SLC9A9: variants seen among roughly 807,000 people sequenced by gnomAD.
SLC9A9 encodes the protein solute carrier family 9 member A9, also known as sodium/hydrogen exchanger 9.
In SLC9A9, 62 loss-of-function variants were observed where a neutral mutation model predicts 77.8. The ratio of observed to expected loss-of-function variants is 0.80; its 90% CI spans 0.65 to 0.98. The LOEUF (loss-of-function observed/expected upper bound fraction) is 0.98, where lower values mean the gene tolerates loss of function less well. Among genes scored for constraint, SLC9A9 ranks in the 50% least tolerant of loss-of-function variants. The pLI, the probability that SLC9A9 is intolerant of heterozygous loss-of-function variation, is 0.00. For missense variants in SLC9A9, 775 were observed against 774.9 expected (o/e 1.00, Z 0.00); for synonymous variants, 320 against 283.5 (o/e 1.13, Z -1.29).
At chr3:143,783,797 G>T (rs140781328) in intron 4 of SLC9A9, among the ~76,000 whole-genome samples, 284 of 152,266 alleles carry the variant, frequency 1.9e-3, no homozygotes, top group Non-Finnish European at 2.9e-3. Context: ...TTTATAGTTT[G>T]CTGAAAGATT....
At chr3:143,650,939 C>A (rs957929142) in intron 6 of SLC9A9, among the ~76,000 whole-genome samples, 8 of 152,128 alleles carry the variant, frequency 5.3e-5, no homozygotes, top group Non-Finnish European at 1.2e-4. Flanking sequence ...GAATGGTGGT[C>A]CTGAAAGCAG....
At position 143,449,809 on chromosome 3, in the gene SLC9A9, TA is replaced by T. The variant is rs2034950233; in HGVS notation, c.1469+17227del. Among the ~76,000 whole-genome samples the T allele has an allele frequency of 8.2e-5, 4 of 48,560 alleles. 1 individual carries two copies. The highest frequency in any genetic ancestry group is 5.2e-4 in the African/African-American group (4 of 7,746). The allele number at this position is 48,560 out of a possible 152,430, so 31.9% of individuals were successfully genotyped here. A position where few individuals can be genotyped will look rare whatever the true frequency, so the allele number is the denominator to read the frequency against. Reference sequence around the variant, plus strand: ...TATAATTATATATATTTTATATATATAATTATATATTTACATATATAATTAT... The same window carrying T: ...TATAATTATATATATTTTATATATATATTATATATTTACATATATAATTAT... On this transcript the variant is annotated intron_variant, in intron 12 of 15. Coordinates refer to ENST00000316549, the MANE Select transcript of SLC9A9 (RefSeq NM_173653.4).
intron 4 of SLC9A9, among the ~76,000 whole-genome samples, chr3:143,749,728 G>GT (rs1228307759): frequency 6.6e-6 from 1 of 152,190 alleles, no homozygotes; most frequent in East Asian, 1.9e-4. Context: ...TTCTCAGAGA[G>GT]TTTAAATTGC....
chr3:143,845,618 C>T (rs2009816217), intron 1 of SLC9A9, among the ~76,000 whole-genome samples: 1 of 152,082 alleles, frequency 6.6e-6, no homozygotes, highest in Non-Finnish European at 1.5e-5. Flanking sequence ...TTGGAAAGTC[C>T]CTTCACTTCT....
chr3:143,829,395 A>G (rs183958972), intron 2 of SLC9A9, among the ~76,000 whole-genome samples: 86 of 152,192 alleles, frequency 5.7e-4, no homozygotes, highest in African/African-American at 2.0e-3. Flanking sequence ...CTGGATACTC[A>G]CTTACTGCAG....
chr3:143,510,427 C>T (rs1425637255), intron 9 of SLC9A9, among the ~76,000 whole-genome samples: 1 of 152,118 alleles, frequency 6.6e-6, no homozygotes, highest in Non-Finnish European at 1.5e-5. Flanking sequence ...ATATTTGTGT[C>T]ATTTTATAGA....
At chr3:143,655,817 G>T (rs951263707) in intron 5 of SLC9A9, among the ~76,000 whole-genome samples, 1 of 152,102 alleles carries the variant, frequency 6.6e-6, no homozygotes, top group East Asian at 1.9e-4. Flanking sequence ...CCATCAAATG[G>T]TAAGGGTCTT....
chr3:143,799,326 C>T (rs112974181), intron 2 of SLC9A9, among the ~76,000 whole-genome samples: 6,769 of 152,250 alleles, frequency 0.044, 262 homozygotes, highest in African/African-American at 0.11. Context: ...AGTAAAGCTT[C>T]GAAAATTAAA....
intron 6 of SLC9A9, among the ~76,000 whole-genome samples, chr3:143,641,016 C>T (rs1238767961): frequency 3.9e-5 from 6 of 152,128 alleles, no homozygotes; most frequent in African/African-American, 7.2e-5. Context: ...GAGATAACTT[C>T]TCCCCAGAAA....
In SLC9A9 at chr3:143,652,380, C is replaced by T. The variant is rs778012135; in HGVS notation, c.650-20G>A. 51 of 1,597,498 alleles carry T rather than the reference C, an allele frequency of 3.2e-5. No homozygotes were observed. The highest frequency in any genetic ancestry group is 4.1e-5 in the Non-Finnish European group (48 of 1,167,704). On this transcript the variant is annotated intron_variant, in intron 5 of 15. Transcript: ENST00000316549. ...CTGTCACTAGGAAGACACACACAAA[C>T]ATGCAGGTTAGCTTGGATGCAGGCA...
chr3:143,386,899 G>A (rs1298798565), intron 12 of SLC9A9, among the ~76,000 whole-genome samples: 7 of 152,058 alleles, frequency 4.6e-5, no homozygotes, highest in African/African-American at 7.2e-5. Flanking sequence ...GGAGTATAGC[G>A]GTATGTTCTT....
chr3:143,583,690 T>C (rs1005478112), intron 6 of SLC9A9, among the ~76,000 whole-genome samples: 1 of 152,228 alleles, frequency 6.6e-6, no homozygotes, highest in Non-Finnish European at 1.5e-5. Flanking sequence ...TTAATGTTTA[T>C]AAAGCATTTG....
At chr3:143,433,073 T>A (rs1227055581) in intron 12 of SLC9A9, among the ~76,000 whole-genome samples, 2 of 152,252 alleles carry the variant, frequency 1.3e-5, no homozygotes, top group African/African-American at 4.8e-5. Flanking sequence ...GAGGTTAGCC[T>A]TAACAATGAA....
At chr3:143,381,024 A>C (rs2108497799) in intron 13 of SLC9A9, among the ~76,000 whole-genome samples, 1 of 152,348 alleles carries the variant, frequency 6.6e-6, no homozygotes, top group South Asian at 2.1e-4. Flanking sequence ...AATTTCAGCA[A>C]AAAGGTGTAA....
chr3:143,733,923 A>G (rs1934873525), intron 4 of SLC9A9, among the ~76,000 whole-genome samples: 1 of 152,194 alleles, frequency 6.6e-6, no homozygotes, highest in African/African-American at 2.4e-5. Flanking sequence ...GAGACTGGGC[A>G]CAGTGGCTAA....
chr3:143,681,883 G>T (rs1576656232), intron 5 of SLC9A9, among the ~76,000 whole-genome samples: 1 of 152,168 alleles, frequency 6.6e-6, no homozygotes, highest in Non-Finnish European at 1.5e-5. Context: ...GGAGGAGATA[G>T]GTCCCTTACC....
chr3:143,535,692 G>T (rs2036579269), intron 9 of SLC9A9, among the ~76,000 whole-genome samples: 1 of 152,098 alleles, frequency 6.6e-6, no homozygotes, highest in African/African-American at 2.4e-5. Context: ...TCTTGAGAAT[G>T]TTAAAGATTC....
At chr3:143,361,625 G>A (rs1040409357) in intron 14 of SLC9A9, among the ~76,000 whole-genome samples, 3 of 152,096 alleles carry the variant, frequency 2.0e-5, no homozygotes, top group Non-Finnish European at 4.4e-5. Context: ...GTGTAGTGAC[G>A]GCAGCATAGC....
At chr3:143,388,773 T>C (rs1576464387) in intron 12 of SLC9A9, among the ~76,000 whole-genome samples, 1 of 152,146 alleles carries the variant, frequency 6.6e-6, no homozygotes, top group South Asian at 2.1e-4. Context: ...ACCCAAGATC[T>C]AATGGGAAAA....
Sources: gnomAD v4.1 joint callset for allele counts (sites outside exome capture counted in the v4.1 genomes callset) on GRCh38, gnomAD v4.1.1 for gene constraint, MANE v1.5 for transcripts, NCBI Gene and HGNC (gene_info 2026-07-23, HGNC 2026-07-21) for gene names.